Variants in HUNK observed in about 807,000 individuals in gnomAD.
The protein encoded by HUNK is hormonally up-regulated Neu-associated kinase.
In HUNK, 21 loss-of-function variants were observed where a neutral mutation model predicts 61.0. The ratio of observed to expected loss-of-function variants is 0.34; its 90% CI spans 0.24 to 0.50. The LOEUF (loss-of-function observed/expected upper bound fraction) is 0.50. Among genes scored for constraint, HUNK ranks in the 20% least tolerant of loss-of-function variants. The probability of loss-of-function intolerance (pLI) is 0.98; values close to 1 mark genes in which losing one functional copy is unlikely to be tolerated. For missense variants in HUNK, 772 were observed against 945.7 expected, an observed-to-expected ratio of 0.82 and a Z score of 2.41; for synonymous variants, 371 against 386.1, an observed-to-expected ratio of 0.96 and a Z score of 0.46.
At chr21:31,958,007 G>A (rs562411271) in intron 4 of HUNK, among the ~76,000 whole-genome samples, 65 of 152,292 alleles carry the variant, frequency 4.3e-4, no homozygotes, top group African/African-American at 1.5e-3. Context: ...TTCCTGTATT[G>A]TTTGGTCAGC....
chr21:31,987,478 C>G (rs535823839), intron 8 of HUNK, among the ~76,000 whole-genome samples: 9 of 152,316 alleles, frequency 5.9e-5, no homozygotes, highest in Admixed American at 1.3e-4. Flanking sequence ...GACACCTGCC[C>G]CACTGCGAGT....
At chr21:31,975,381 T>G (rs2053041493) in intron 7 of HUNK, among the ~76,000 whole-genome samples, 1 of 152,212 alleles carries the variant, frequency 6.6e-6, no homozygotes, top group African/African-American at 2.4e-5. Context: ...CCTTAAATTG[T>G]CTCTCTCCAA....
chr21:31,995,867 G>A lies in HUNK; in HGVS notation c.1405G>A (p.Gly469Ser). Residue 469 changes from glycine to serine, a missense_variant, in exon 10 of 11, where the codon GGC becomes AGC. Transcript: ENST00000270112. ...CCTGCCCTCGCACAAACAGCCCTCA[G>A]GCTCGCTTATGACACAGATTCAGAA... ...KNLPSHKQPS[G>S]SLMTQIQNTK... 1.2e-6 allele frequency: 2 copies of A among 1,614,140 alleles called. No homozygotes were observed. The highest frequency in any genetic ancestry group is 1.7e-6 in the Non-Finnish European group (2 of 1,179,972).
Position 31,892,812 on chromosome 21 carries a change from C to T in HUNK, c.261+18877C>T, listed in dbSNP as rs989188738. On this transcript the variant is annotated intron_variant, in intron 1 of 10. Transcript: ENST00000270112. ...CTTCCGTCAACACCTCCCTGAGGAC[C>T]GCGATGCCTCTCTGGATGTCTGCAT... Among the ~76,000 whole-genome samples the T allele has an allele frequency of 4.6e-5, 7 of 152,184 alleles. 1 individual carries two copies. The South Asian group carries it at 6.2e-4, about 14-fold the overall frequency.
intron 3 of HUNK, among the ~76,000 whole-genome samples, chr21:31,942,404 G>T (rs1568930692): frequency 1.3e-5 from 2 of 152,324 alleles, no homozygotes; most frequent in East Asian, 3.9e-4. Context: ...AAGCAATGGT[G>T]AAATGCACAG....
In HUNK at chr21:31,999,155, A is replaced by G; in HGVS notation, c.2116A>G (p.Met706Val). 2 of 1,612,588 alleles carry G rather than the reference A, an allele frequency of 1.2e-6. No homozygotes were observed. The highest frequency in any genetic ancestry group is 1.7e-6 in the Non-Finnish European group (2 of 1,179,268). ...PLAPVNLAFD[M>V]ADGVKTQC ...AGCCCCTGTGAACCTTGCCTTTGAC[A>G]TGGCCGATGGGGTCAAGACCCAGTG... is the stretch of plus-strand genomic sequence containing the variant. The change falls in exon 11 of 11, where the codon ATG (methionine) becomes GTG (valine). Residue 706 changes from methionine to valine, a missense_variant. Physicochemically the swap from Met to Val is conservative, Grantham distance 21. This residue lies in a region of HUNK where 413 missense variants were observed against 444.4 expected (regional missense o/e 0.93). Transcript: ENST00000270112.
At chr21:31,918,290 G>T (rs947436921) in intron 1 of HUNK, among the ~76,000 whole-genome samples, 4 of 152,186 alleles carry the variant, frequency 2.6e-5, no homozygotes, top group Admixed American at 6.5e-5. Flanking sequence ...TTGAGAGGGA[G>T]CTTAATAGGA....
At chr21:31,888,123 T>G (rs989369605) in intron 1 of HUNK, among the ~76,000 whole-genome samples, 1 of 152,116 alleles carries the variant, frequency 6.6e-6, no homozygotes, top group African/African-American at 2.4e-5. Context: ...AGGACTCTCT[T>G]AAGTTTAATG....
At chr21:31,997,492 C>T (rs571770424) in intron 10 of HUNK, among the ~76,000 whole-genome samples, 1 of 152,122 alleles carries the variant, frequency 6.6e-6, no homozygotes, top group African/African-American at 2.4e-5. Flanking sequence ...TCCCTAAAGG[C>T]GGATACTGTG....
chr21:31,982,098 C>A (rs996837905), intron 7 of HUNK, among the ~76,000 whole-genome samples: 15 of 152,102 alleles, frequency 9.9e-5, no homozygotes, highest in African/African-American at 2.9e-4. Flanking sequence ...CTGGCTAGGA[C>A]GTGCAGTACT....
At chr21:31,886,978 C>T (rs567426844) in intron 1 of HUNK, among the ~76,000 whole-genome samples, 2 of 152,286 alleles carry the variant, frequency 1.3e-5, no homozygotes, top group South Asian at 4.1e-4. Flanking sequence ...TTTGATCTTC[C>T]CAAGACATGT....
chr21:31,900,704 C>T (rs2052460494), intron 1 of HUNK, among the ~76,000 whole-genome samples: 2 of 152,166 alleles, frequency 1.3e-5, no homozygotes, highest in South Asian at 4.1e-4. Flanking sequence ...AAGCCTTTAT[C>T]CAGAGTCAGC....
intron 1 of HUNK, among the ~76,000 whole-genome samples, chr21:31,910,745 T>A (rs569157840): frequency 6.6e-6 from 1 of 152,170 alleles, no homozygotes; most frequent in African/African-American, 2.4e-5. Flanking sequence ...TGCCTCTGCC[T>A]CCCAAAGTGC....
At chr21:31,895,059 T>C (rs1247364474) in intron 1 of HUNK, among the ~76,000 whole-genome samples, 1 of 152,224 alleles carries the variant, frequency 6.6e-6, no homozygotes, top group Non-Finnish European at 1.5e-5. Context: ...AGTCCTGGTC[T>C]CTTTCTTTGG....
intron 3 of HUNK, among the ~76,000 whole-genome samples, chr21:31,944,798 A>G (rs1226060583): frequency 1.3e-5 from 2 of 152,242 alleles, no homozygotes; most frequent in African/African-American, 2.4e-5. Context: ...AGAGTCTTCA[A>G]GAGTTTTCTG....
In HUNK at chr21:31,926,984, C is replaced by CCTTT. The variant is rs1042890985; in HGVS notation, c.554+2235_554+2238dup. Among the ~76,000 whole-genome samples the CCTTT allele has an allele frequency of 2.2e-4, 32 of 146,400 alleles. 1 individual carries two copies. Among genetic ancestry groups the CCTTT allele is most frequent in the African/African-American group, 8.0e-4 (32 of 39,998 alleles). On this transcript the variant is annotated intron_variant, in intron 2 of 10. Coordinates refer to ENST00000270112, the MANE Select transcript of HUNK (RefSeq NM_014586.2). ...TTTCTTTCCTTTTTCTTTCTTTCTT[C>CCTTT]CTTTCTTTCTTTCTCTCTCTCTCTT...
chr21:31,899,964 G>A (rs1287648213), intron 1 of HUNK, among the ~76,000 whole-genome samples: 1 of 152,048 alleles, frequency 6.6e-6, no homozygotes, highest in Non-Finnish European at 1.5e-5. Context: ...AAATGGAGAC[G>A]GAGTTTCACC....
chr21:31,954,850 C>T (rs534199207), intron 4 of HUNK, among the ~76,000 whole-genome samples: 4 of 152,124 alleles, frequency 2.6e-5, no homozygotes, highest in South Asian at 4.1e-4. Context: ...GGCACACTTA[C>T]ATCTCACTGC....
At chr21:31,876,367 A>G (rs1041735652) in intron 1 of HUNK, among the ~76,000 whole-genome samples, 13 of 152,206 alleles carry the variant, frequency 8.5e-5, no homozygotes, top group African/African-American at 2.9e-4. Flanking sequence ...TGCTGGCTTT[A>G]AAGAAACAAT....
Sources: allele counts gnomAD v4.1 joint callset (sites outside exome capture counted in the v4.1 genomes callset), GRCh38; gene constraint gnomAD v4.1.1; regional missense constraint gnomAD v4.1.1; transcripts MANE v1.5; gene names NCBI Gene and HGNC (gene_info 2026-07-23, HGNC 2026-07-21).